The following HERC1 variants were observed in gnomAD, a reference collection of about 807,000 sequenced individuals.
HERC1 encodes the protein probable E3 ubiquitin-protein ligase HERC1.
A neutral mutation model predicts 554.3 loss-of-function variants in HERC1; 160 were observed. The observed-to-expected ratio is 0.29, with a 90% CI of 0.25 to 0.33. HERC1 has a LOEUF of 0.33. Among genes scored for constraint, HERC1 ranks in the 10% least tolerant of loss-of-function variants. HERC1 has a pLI of 1.00. For missense variants in HERC1, 4,919 were observed against 5,918.5 expected (o/e 0.83, Z 5.54); for synonymous variants, 2,175 against 2,131.7 (o/e 1.02, Z -0.56).
chr15:63,675,080 A>G lies in HERC1; in HGVS notation c.7108T>C (p.Tyr2370His). Residue 2370 changes from tyrosine (Y) to histidine (H), a missense_variant, in exon 38 of 78, where the codon TAT becomes CAT. Physicochemically the swap from Tyr to His is moderately conservative, Grantham distance 83. Coordinates refer to ENST00000443617, the MANE Select transcript of HERC1 (RefSeq NM_003922.4). ...AATGGTTCACAGGGTTCCAGATTAT[A>G]CAATGGAGTATCACTAGGCGACCAA... ...TFWSPSDTPL[Y>H]NLEPCEPLPF... 1 of 1,609,514 alleles carries G rather than the reference A, an allele frequency of 6.2e-7. No homozygotes were observed. The highest frequency in any genetic ancestry group is 8.5e-7 in the Non-Finnish European group (1 of 1,176,768).
chr15:63,664,519 T>C lies in HERC1; in HGVS notation c.8631A>G (p.Thr2877=), dbSNP rs770591673. The C allele has an allele frequency of 3.6e-5, 58 of 1,613,698 alleles. No homozygotes were observed. Among genetic ancestry groups the C allele is most frequent in the Non-Finnish European group, 4.7e-5 (56 of 1,179,774 alleles). The change falls in exon 43 of 78, where the codon ACA becomes ACG. Residue 2877 remains threonine (T), a synonymous_variant. Coordinates refer to ENST00000443617, the MANE Select transcript of HERC1 (RefSeq NM_003922.4). ...GPSARGRSAV[T]RRHKFDLAAR... is the part of the protein sequence containing the mutation. The stretch of plus-strand genomic sequence containing the variant: ...CAGCTAAGTCAAACTTGTGTCTTCT[T>C]GTTACCGCTGAGCGACCTCTAGCTG...
In HERC1 at chr15:63,654,431, G is replaced by A. The variant is rs916228787; in HGVS notation, c.10085-107C>T. 10 of 793,556 alleles carry A rather than the reference G, an allele frequency of 1.3e-5. No homozygotes were observed. The African/African-American group carries it at 1.4e-4, about 11-fold the overall frequency. 49.2% of individuals were successfully genotyped at this position (793,556 alleles called of 1,614,324 possible). On this transcript the variant is annotated intron_variant, in intron 50 of 77. Coordinates refer to ENST00000443617, the MANE Select transcript of HERC1 (RefSeq NM_003922.4). ...GGTGAGATTTGGTGGTGGTGAACAA[G>A]CAAATGGGTTAACCCATATCTTTTA...
chr15:63,669,569 A>G lies in HERC1; in HGVS notation c.8175T>C (p.Asp2725=). Residue 2725 remains aspartate (D), a synonymous_variant, in exon 40 of 78, where the codon GAT becomes GAC. Coordinates refer to ENST00000443617, the MANE Select transcript of HERC1 (RefSeq NM_003922.4). ...VGRRQSLTSP[D]SQSARPANRT... ...GGTTAGCTGGCCTTGCTGACTGGGA[A>G]TCAGGAGAAGTTAAACTTTGCCTCC... The G allele has an allele frequency of 1.2e-6, 2 of 1,613,860 alleles. No individual in the cohort carries two copies. The highest frequency in any genetic ancestry group is 1.7e-6 in the Non-Finnish European group (2 of 1,179,724).
intron 1 of HERC1, among the ~76,000 whole-genome samples, chr15:63,791,155 C>T (rs1002898827): frequency 3.3e-5 from 5 of 152,134 alleles, no homozygotes; most frequent in African/African-American, 1.2e-4. Context: ...TGAGAGATGA[C>T]ATATCTATCA....
At chr15:63,796,630 C>T (rs2076821495) in intron 1 of HERC1, among the ~76,000 whole-genome samples, 1 of 152,140 alleles carries the variant, frequency 6.6e-6, no homozygotes, top group Admixed American at 6.5e-5. Context: ...TCAGGGACAG[C>T]TTGATTTTAT....
Position 63,686,245 on chromosome 15 carries a change from A to G in HERC1, c.6225+114T>C. 4 of 718,588 alleles carry G rather than the reference A, an allele frequency of 5.6e-6. No individual in the cohort carries two copies. In the South Asian group the frequency reaches 8.4e-5, roughly 15 times the overall value. The allele number at this position is 718,588 out of a possible 1,614,324, so 44.5% of individuals were successfully genotyped here. Reference sequence around the variant, plus strand: ...CATTTATATTATCTTACATAATAATAGAACATTTACATATCACGATTTTTT... The same window carrying G: ...CATTTATATTATCTTACATAATAATGGAACATTTACATATCACGATTTTTT... On this transcript the variant is annotated intron_variant, in intron 34 of 77. Transcript: ENST00000443617.
intron 25 of HERC1, among the ~76,000 whole-genome samples, chr15:63,699,386 T>C (rs769648846): frequency 4.6e-5 from 7 of 152,210 alleles, no homozygotes; most frequent in Admixed American, 4.6e-4. Context: ...TAGTAAGACC[T>C]ACTCAAAACA....
chr15:63,696,055 T>A (rs2072394722), intron 27 of HERC1, 69 bp downstream of exon 27: 1 of 1,167,820 alleles, frequency 8.6e-7, no homozygotes, highest in Non-Finnish European at 1.2e-6. Flanking sequence ...CACCAAAAAG[T>A]TTCACATTAT....
chr15:63,653,189 C>T lies in HERC1; in HGVS notation c.10291-648G>A, dbSNP rs577268000. Among the ~76,000 whole-genome samples, 4 of 152,006 alleles carry T rather than the reference C, an allele frequency of 2.6e-5. No individual in the cohort carries two copies. The South Asian group carries it at 8.3e-4, about 32-fold the overall frequency. The stretch of plus-strand genomic sequence containing the variant: ...GGTGCAGTGGCTCACACCTGTAATC[C>T]CAGCACTGTGGGAGGCCAAGGCAGG... On this transcript the variant is annotated intron_variant, in intron 51 of 77. Transcript: ENST00000443617.
At chr15:63,640,063 C>G in intron 61 of HERC1, 89 bp downstream of exon 61, 1 of 1,269,452 alleles carries the variant, frequency 7.9e-7, no homozygotes, top group Non-Finnish European at 1.1e-6. Flanking sequence ...GCCATGCATA[C>G]CAGCAAAGAC....
chr15:63,611,296 C>T (rs986836364), intron 77 of HERC1, among the ~76,000 whole-genome samples: 3 of 152,182 alleles, frequency 2.0e-5, no homozygotes, highest in African/African-American at 7.2e-5. Flanking sequence ...GCATTTATTT[C>T]GGAGTCAACA....
chr15:63,806,744 T>C (rs571517798), intron 1 of HERC1, among the ~76,000 whole-genome samples: 7 of 152,308 alleles, frequency 4.6e-5, no homozygotes, highest in Admixed American at 3.3e-4. Flanking sequence ...CCTTTGTTGT[T>C]GTAAGTTGGA....
chr15:63,743,812 T>A (rs1034106023), intron 12 of HERC1, among the ~76,000 whole-genome samples: 25 of 152,226 alleles, frequency 1.6e-4, no homozygotes, highest in African/African-American at 5.8e-4. Flanking sequence ...CCAGGATTGG[T>A]CCTTGGTGCC....
Position 63,689,635 on chromosome 15 carries a change from T to A in HERC1, c.6002A>T (p.Lys2001Ile), listed in dbSNP as rs866630291. ...CMWETPIAQAKHAIQIKEKEQ... is the reference protein window; with the variant it reads ...CMWETPIAQAIHAIQIKEKEQ... ...TTTTTCCTTTATCTGAATAGCATGT[T>A]TGGCCTGAGCAATGGGTGTCTCCCA... The change falls in exon 33 of 78, where the codon AAA (lysine) becomes ATA (isoleucine). Residue 2001 changes from lysine to isoleucine, a missense_variant. Lys to Ile is a moderately radical substitution (Grantham distance 102). Coordinates refer to ENST00000443617, the MANE Select transcript of HERC1 (RefSeq NM_003922.4). The A allele has an allele frequency of 6.3e-7, 1 of 1,587,168 alleles. No individual in the cohort carries two copies. Among genetic ancestry groups the A allele is most frequent in the Non-Finnish European group, 8.6e-7 (1 of 1,165,466 alleles).
rs770879809 is a variant in HERC1 at position 63,674,546 on chromosome 15, C to A, written c.7642G>T (p.Ala2548Ser). 9.9e-6 allele frequency: 16 copies of A among 1,612,832 alleles called. No individual in the cohort carries two copies. The highest frequency in any genetic ancestry group is 1.7e-5 in the Admixed American group (1 of 59,790). Residue 2548 changes from alanine (A) to serine (S), a missense_variant, in exon 38 of 78, where the codon GCA (alanine) becomes TCA (serine). Coordinates refer to ENST00000443617, the MANE Select transcript of HERC1 (RefSeq NM_003922.4). ...LAENGHNSDC[A>S]SSPVVHEDVE... ...TCTTCATGAACAACTGGAGAACTTG[C>A]ACAGTCTGAGTTGTGGCCATTTTCA...
At position 63,680,177 on chromosome 15, in the gene HERC1, G is replaced by A. The variant is rs2071406070; in HGVS notation, c.6466-17C>T. The A allele has an allele frequency of 6.3e-7, 1 of 1,589,544 alleles. No individual in the cohort carries two copies. The highest frequency in any genetic ancestry group is 1.1e-5 in the South Asian group (1 of 88,974). On this transcript the variant is annotated splice_polypyrimidine_tract_variant and intron_variant, in intron 35 of 77. Coordinates refer to ENST00000443617, the MANE Select transcript of HERC1 (RefSeq NM_003922.4). This position sits in a 1 kb window ranked among gnomAD's most constrained non-coding sequence, Gnocchi z 5.8. ...TTTGGGTTCCTACAGTGTGGCAGCA[G>A]TGAGGAAAAGAAAAAGGAAATAGAA...
At position 63,696,342 on chromosome 15, in the gene HERC1, T is replaced by C; in HGVS notation, c.4906-3A>G. The C allele has an allele frequency of 3.1e-6, 5 of 1,601,138 alleles. No individual in the cohort carries two copies. Among genetic ancestry groups the C allele is most frequent in the Non-Finnish European group, 4.3e-6 (5 of 1,172,730 alleles). On this transcript the variant is annotated splice_polypyrimidine_tract_variant and splice_region_variant and intron_variant, in intron 26 of 77. Transcript: ENST00000443617. ...TGATGAAGTGCCTCTAAACGAAGCT[T>C]GAGGAAAAAAACATATTTTAGAGTT...
At chr15:63,723,661 G>T (rs2073916917) in intron 18 of HERC1, among the ~76,000 whole-genome samples, 2 of 152,094 alleles carry the variant, frequency 1.3e-5, no homozygotes, top group African/African-American at 2.4e-5. Context: ...AGAGGCCAGA[G>T]AAACTAAATG....
intron 1 of HERC1, among the ~76,000 whole-genome samples, chr15:63,798,614 C>G (rs1567138643): frequency 6.6e-6 from 1 of 151,008 alleles, no homozygotes; most frequent in African/African-American, 2.4e-5. Context: ...AATTCTCTAA[C>G]AGGATACCTC....
Sources: gnomAD v4.1 joint callset for allele counts (sites outside exome capture counted in the v4.1 genomes callset) on GRCh38, gnomAD v4.1.1 for gene constraint, Gnocchi (gnomAD v3.1) non-coding constraint, MANE v1.5 for transcripts, NCBI Gene and HGNC (gene_info 2026-07-23, HGNC 2026-07-21) for gene names.